GRIK1: variants seen among roughly 807,000 people sequenced by gnomAD.
GRIK1 encodes glutamate ionotropic receptor kainate type subunit 1.
Under a neutral mutation model 105.7 loss-of-function variants are expected in GRIK1, and 69 were observed. The ratio of observed to expected loss-of-function variants is 0.65; its 90% CI spans 0.54 to 0.80. The LOEUF is 0.80. Ranked by LOEUF, GRIK1 falls within the 30% of genes least tolerant of loss-of-function variation. The probability of loss-of-function intolerance (pLI) is 0.00; values close to 1 mark genes in which losing one functional copy is unlikely to be tolerated. For synonymous variants in GRIK1, 438 were observed against 431.3 expected (o/e 1.02, Z -0.19); for missense variants, 1,109 against 1,167.3 (o/e 0.95, Z 0.73).
At chr21:29,755,606 G>A (rs1291284057) in intron 1 of GRIK1, among the ~76,000 whole-genome samples, 1 of 152,174 alleles carries the variant, frequency 6.6e-6, no homozygotes, top group East Asian at 1.9e-4. Context: ...AGCTCCTTTG[G>A]GTGCCTCTTT....
chr21:29,926,802 T>C (rs1238092052), intron 1 of GRIK1, among the ~76,000 whole-genome samples: 3 of 152,218 alleles, frequency 2.0e-5, no homozygotes, highest in African/African-American at 7.2e-5. Flanking sequence ...AAGCTAATAA[T>C]GGACAATTAT....
At chr21:29,641,710 G>T (rs1418806564) in intron 7 of GRIK1, among the ~76,000 whole-genome samples, 2 of 152,122 alleles carry the variant, frequency 1.3e-5, no homozygotes. Flanking sequence ...TCCTTAAATT[G>T]CACCCTCATC....
intron 1 of GRIK1, among the ~76,000 whole-genome samples, chr21:29,751,701 G>T (rs2065206467): frequency 6.6e-6 from 1 of 152,130 alleles, no homozygotes; most frequent in Admixed American, 6.5e-5. Context: ...CACTCAAGAT[G>T]GTTTTTACTA....
chr21:29,740,697 C>A (rs1043266799), intron 1 of GRIK1, among the ~76,000 whole-genome samples: 3 of 152,118 alleles, frequency 2.0e-5, no homozygotes, highest in African/African-American at 7.2e-5. Context: ...AATCTATTAG[C>A]CAATTCAATT....
intron 7 of GRIK1, among the ~76,000 whole-genome samples, chr21:29,633,205 T>C (rs1265480502): frequency 6.6e-6 from 1 of 152,194 alleles, no homozygotes; most frequent in East Asian, 1.9e-4. Flanking sequence ...TCCAGAACTG[T>C]AAGAAATAAA....
intron 14 of GRIK1, among the ~76,000 whole-genome samples, chr21:29,572,864 T>A (rs111817065): frequency 6.6e-6 from 1 of 152,142 alleles, no homozygotes; most frequent in East Asian, 1.9e-4. Context: ...TCAGCCTCCC[T>A]GGTTCAAGCA....
chr21:29,776,645 T>C (rs147690764), intron 1 of GRIK1, among the ~76,000 whole-genome samples: 4 of 152,324 alleles, frequency 2.6e-5, no homozygotes, highest in African/African-American at 7.2e-5. Context: ...ATTTTTAATA[T>C]TTTAACTCCC....
intron 1 of GRIK1, among the ~76,000 whole-genome samples, chr21:29,820,334 G>A (rs910027186): frequency 1.3e-5 from 2 of 151,954 alleles, no homozygotes; most frequent in Non-Finnish European, 2.9e-5. Context: ...AAATCCAGTG[G>A]TCATTTCTCA....
At chr21:29,780,079 A>T (rs997809182) in intron 1 of GRIK1, among the ~76,000 whole-genome samples, 1 of 152,212 alleles carries the variant, frequency 6.6e-6, no homozygotes, top group Non-Finnish European at 1.5e-5. Flanking sequence ...GGGGCTAATT[A>T]TACCTATCTC....
intron 1 of GRIK1, among the ~76,000 whole-genome samples, chr21:29,812,705 G>A (rs1031072597): frequency 2.0e-5 from 3 of 152,170 alleles, no homozygotes; most frequent in Admixed American, 1.3e-4. Flanking sequence ...GAAATACACA[G>A]ATGAGTGAAT....
At chr21:29,888,531 GT>G (rs2069764182) in intron 1 of GRIK1, among the ~76,000 whole-genome samples, 1 of 151,858 alleles carries the variant, frequency 6.6e-6, no homozygotes, top group African/African-American at 2.4e-5. Context: ...CTCCCAAACT[GT>G]TGGGAACCAC....
chr21:29,843,314 T>C (rs952622773), intron 1 of GRIK1, among the ~76,000 whole-genome samples: 2 of 152,230 alleles, frequency 1.3e-5, no homozygotes, highest in African/African-American at 4.8e-5. Context: ...ACATTGTAAC[T>C]TGGCCTTTTG....
At chr21:29,658,488 C>T (rs1464666567) in intron 4 of GRIK1, among the ~76,000 whole-genome samples, 4 of 152,178 alleles carry the variant, frequency 2.6e-5, no homozygotes, top group Non-Finnish European at 5.9e-5. Flanking sequence ...GTTCAAACTC[C>T]TGACCTCAAG....
intron 1 of GRIK1, among the ~76,000 whole-genome samples, chr21:29,933,572 A>G (rs1412671503): frequency 6.6e-6 from 1 of 152,176 alleles, no homozygotes; most frequent in Non-Finnish European, 1.5e-5. Flanking sequence ...ACTTGCTCAA[A>G]TAGGTAATTG....
intron 3 of GRIK1, among the ~76,000 whole-genome samples, chr21:29,682,015 A>G (rs2063389638): frequency 6.6e-6 from 1 of 152,226 alleles, no homozygotes; most frequent in Non-Finnish European, 1.5e-5. Context: ...TCCTTATATC[A>G]GGACCTGCCT....
At chr21:29,851,730 ACT>A (rs1364817040) in intron 1 of GRIK1, among the ~76,000 whole-genome samples, 8 of 151,302 alleles carry the variant, frequency 5.3e-5, no homozygotes, top group African/African-American at 2.0e-4. Flanking sequence ...CATGGCCTCA[ACT>A]CTCTTAGCTA....
intron 1 of GRIK1, among the ~76,000 whole-genome samples, chr21:29,734,968 C>G (rs78207596): frequency 0.014 from 2,105 of 152,252 alleles, 53 homozygotes; most frequent in African/African-American, 0.048. Context: ...TGCTCTCCAA[C>G]CTAATGTTAC....
intron 1 of GRIK1, among the ~76,000 whole-genome samples, chr21:29,895,884 G>T (rs369790973): frequency 2.0e-5 from 3 of 152,178 alleles, no homozygotes; most frequent in East Asian, 3.9e-4. Context: ...AGGTTTGAAG[G>T]CTTCCACTGA....
chr21:29,686,554 A>T (rs910160243), intron 3 of GRIK1, among the ~76,000 whole-genome samples: 1 of 152,256 alleles, frequency 6.6e-6, no homozygotes, highest in Non-Finnish European at 1.5e-5. Flanking sequence ...GCAGAGGTGA[A>T]ATAGGGCCAA....
Sources: gnomAD v4.1 joint callset for allele counts (sites outside exome capture counted in the v4.1 genomes callset) on GRCh38, gnomAD v4.1.1 for gene constraint, MANE v1.5 for transcripts, NCBI Gene and HGNC (gene_info 2026-07-23, HGNC 2026-07-21) for gene names.